SYT14: variants seen among roughly 807,000 people sequenced by gnomAD.
SYT14 encodes the protein synaptotagmin 14, also known as synaptotagmin-14.
Under a neutral mutation model 74.2 loss-of-function variants are expected in SYT14, and 32 were observed. That is an observed-to-expected ratio of 0.43 (90% CI 0.33 to 0.58). The LOEUF is 0.58. SYT14 is among the 20% of genes least tolerant of loss of function. SYT14 has a pLI of 0.05. For missense variants in SYT14, 791 were observed against 981.8 expected, an observed-to-expected ratio of 0.81 and a Z score of 2.60; for synonymous variants, 298 against 337.7, an observed-to-expected ratio of 0.88 and a Z score of 1.29.
intron 2 of SYT14, among the ~76,000 whole-genome samples, chr1:209,996,165 A>G (rs1212769735): frequency 1.3e-5 from 2 of 152,158 alleles, no homozygotes; most frequent in Non-Finnish European, 2.9e-5. Context: ...ACAATAATCC[A>G]TACAAAAGAT....
chr1:210,155,965 C>A, intron 8 of SYT14, 55 bp downstream of exon 7: 1 of 1,503,408 alleles, frequency 6.7e-7, no homozygotes, highest in Non-Finnish European at 9.2e-7. Context: ...TTGGGACTCT[C>A]AGTATTAGGG....
intron 5 of SYT14, among the ~76,000 whole-genome samples, chr1:210,029,819 T>C (rs890703635): frequency 1.3e-5 from 2 of 152,326 alleles, no homozygotes; most frequent in South Asian, 2.1e-4. Context: ...GCATTAAATC[T>C]GTAAATCACT....
At position 210,141,043 on chromosome 1, in the gene SYT14, C is replaced by G. The variant is rs912772167; in HGVS notation, c.2035-14678C>G. Among the ~76,000 whole-genome samples the G allele has an allele frequency of 4.3e-5, 5 of 115,314 alleles. No homozygotes were observed. The Middle Eastern group carries it at 0.02, about 450-fold the overall frequency. The allele number at this position is 115,314 out of a possible 152,430, so 75.7% of individuals were successfully genotyped here. On this transcript the variant is annotated intron_variant, in intron 7 of 9. Transcript: ENST00000637265. Reference sequence around the variant, plus strand: ...AATTTTAGGATTGACTTCTTTGTTTCTGCAAAAAAAAAAAAAAAAAAGAAG... The same window carrying G: ...AATTTTAGGATTGACTTCTTTGTTTGTGCAAAAAAAAAAAAAAAAAAGAAG...
intron 7 of SYT14, among the ~76,000 whole-genome samples, chr1:210,138,605 T>C (rs1300583890): frequency 6.6e-6 from 1 of 152,236 alleles, no homozygotes; most frequent in Non-Finnish European, 1.5e-5. Context: ...AATTTAGTCC[T>C]ATATATGTCT....
intron 7 of SYT14, among the ~76,000 whole-genome samples, chr1:210,135,730 G>A (rs535253927): frequency 6.6e-6 from 1 of 152,192 alleles, no homozygotes; most frequent in South Asian, 2.1e-4. Flanking sequence ...CTTTGTTCTT[G>A]GATGCAATCA....
rs111697832 is a variant in SYT14, at chr1:210,021,925, A to G, written c.1312+671A>G. ...ATAGAAGATGTCAGTCCACTTATTC[A>G]TGTTTTTACGTCTTTCTGTGACATA... On this transcript the variant is annotated intron_variant, in intron 5 of 9. Transcript: ENST00000637265. 8.1e-3 allele frequency among the ~76,000 whole-genome samples: 1,230 copies of G among 152,266 alleles called. 21 individuals are homozygous for G. Among genetic ancestry groups the G allele is most frequent in the African/African-American group, 0.028 (1,174 of 41,568 alleles).
intron 1 of SYT14, among the ~76,000 whole-genome samples, chr1:209,940,901 A>T (rs967253661): frequency 6.6e-6 from 1 of 152,178 alleles, no homozygotes; most frequent in Non-Finnish European, 1.5e-5. Flanking sequence ...TCCTTCACTT[A>T]TGTGTAATCC....
intron 5 of SYT14, among the ~76,000 whole-genome samples, chr1:210,044,664 G>C (rs1035627674): frequency 3.3e-5 from 5 of 152,040 alleles, no homozygotes; most frequent in African/African-American, 4.8e-5. Context: ...TCTTTTCTTG[G>C]AATTTCCAGA....
Position 210,125,762 on chromosome 1 carries a change from A to T in SYT14, c.2034+25301A>T, listed in dbSNP as rs186014302. Among the ~76,000 whole-genome samples, 4 of 152,348 alleles carry T rather than the reference A, an allele frequency of 2.6e-5. No homozygotes were observed. The East Asian group carries it at 7.7e-4, about 29-fold the overall frequency. On this transcript the variant is annotated intron_variant, in intron 7 of 9. Coordinates refer to ENST00000637265, the Ensembl canonical transcript of SYT14. Reference sequence around the variant, plus strand: ...ACAGAAGTTTAGTATTAATGATAGAATAAGAGGTTTTCAGATTTTAAAATT... The same window carrying T: ...ACAGAAGTTTAGTATTAATGATAGATTAAGAGGTTTTCAGATTTTAAAATT...
At chr1:210,027,237 A>G (rs913748147) in intron 5 of SYT14, among the ~76,000 whole-genome samples, 1 of 152,098 alleles carries the variant, frequency 6.6e-6, no homozygotes, top group Non-Finnish European at 1.5e-5. Flanking sequence ...GCTCATGCCT[A>G]TAATGTCTCT....
chr1:210,164,067 A>T (rs908589304), exon 10 of SYT14: 1 of 453,450 alleles, frequency 2.2e-6, no homozygotes, highest in African/African-American at 2.0e-5. Flanking sequence ...GCTGCAAAAG[A>T]TAATTATTGC....
chr1:210,076,706 C>A (rs573120648), intron 5 of SYT14, among the ~76,000 whole-genome samples: 1 of 152,126 alleles, frequency 6.6e-6, no homozygotes, highest in Admixed American at 6.6e-5. Flanking sequence ...GGGGAGCCAG[C>A]GCTTCACATG....
chr1:209,987,066 G>C (rs868421457), intron 2 of SYT14, among the ~76,000 whole-genome samples: 1 of 152,136 alleles, frequency 6.6e-6, no homozygotes, highest in Non-Finnish European at 1.5e-5. Flanking sequence ...CAGCAGCCTG[G>C]ACTTGATTGT....
At chr1:210,110,109 G>A (rs1418227559) in intron 7 of SYT14, among the ~76,000 whole-genome samples, 2 of 152,142 alleles carry the variant, frequency 1.3e-5, no homozygotes, top group East Asian at 1.9e-4. Flanking sequence ...ACACACCGAG[G>A]CCTGTCAGGG....
intron 2 of SYT14, among the ~76,000 whole-genome samples, chr1:209,979,057 C>T (rs972841136): frequency 3.9e-5 from 6 of 152,186 alleles, no homozygotes; most frequent in East Asian, 1.9e-4. Context: ...ATTGGAAAAG[C>T]GCAGTATTAG....
At chr1:210,124,141 G>A (rs1257779688) in intron 7 of SYT14, among the ~76,000 whole-genome samples, 1 of 151,958 alleles carries the variant, frequency 6.6e-6, no homozygotes, top group Admixed American at 6.6e-5. Flanking sequence ...CAACAGCAGA[G>A]TGAGTAGTTA....
chr1:210,094,719 C>G (rs1042140917), intron 6 of SYT14, 126 bp downstream of exon 5: 1 of 1,137,716 alleles, frequency 8.8e-7, no homozygotes, highest in Non-Finnish European at 1.3e-6. Flanking sequence ...GTACCAGTAT[C>G]CATCCTTAAT....
intron 2 of SYT14, among the ~76,000 whole-genome samples, chr1:210,000,466 G>GCACACACACACA (rs375046637): frequency 0.03 from 4,323 of 143,072 alleles, 222 homozygotes; most frequent in African/African-American, 0.096. Flanking sequence ...GTCCTCATAC[G>GCACACACACACA]CACACACACA....
chr1:210,049,583 A>T (rs2080953063), intron 5 of SYT14, among the ~76,000 whole-genome samples: 1 of 151,596 alleles, frequency 6.6e-6, no homozygotes, highest in Non-Finnish European at 1.5e-5. Context: ...CCCTCCCCTT[A>T]CACCCCACCC....
Sources: allele counts gnomAD v4.1 joint callset (sites outside exome capture counted in the v4.1 genomes callset), GRCh38; gene constraint gnomAD v4.1.1; transcripts MANE v1.5; gene names NCBI Gene and HGNC (gene_info 2026-07-23, HGNC 2026-07-21).